The following PDSS2 variants were observed in gnomAD, a reference collection of about 807,000 sequenced individuals.
PDSS2 encodes the protein decaprenyl diphosphate synthase subunit 2.
In PDSS2, 31 loss-of-function variants were observed where a neutral mutation model predicts 44.5. The observed-to-expected ratio is 0.70, with a 90% CI of 0.52 to 0.94. PDSS2 has a LOEUF of 0.94. Among genes scored for constraint, PDSS2 ranks in the 40% least tolerant of loss-of-function variants. The pLI is 0.00. For missense variants in PDSS2, 452 were observed against 482.2 expected, an observed-to-expected ratio of 0.94 and a Z score of 0.59; for synonymous variants, 157 against 180.3, an observed-to-expected ratio of 0.87 and a Z score of 1.03.
intron 1 of PDSS2, among the ~76,000 whole-genome samples, chr6:107,353,153 T>A (rs1164131678): frequency 6.6e-6 from 1 of 152,100 alleles, no homozygotes; most frequent in Non-Finnish European, 1.5e-5. Context: ...CAAGAATAAC[T>A]TTTAAGACAC....
intron 2 of PDSS2, among the ~76,000 whole-genome samples, chr6:107,326,298 C>T (rs1165187532): frequency 1.1e-4 from 16 of 151,124 alleles, no homozygotes; most frequent in African/African-American, 4.9e-5. Context: ...TTAGTAGAGA[C>T]GGGATTTTGC....
intron 1 of PDSS2, among the ~76,000 whole-genome samples, chr6:107,447,635 G>T (rs1246951894): frequency 6.6e-6 from 1 of 152,214 alleles, no homozygotes; most frequent in Non-Finnish European, 1.5e-5. Flanking sequence ...CCCTCTCCTG[G>T]CTGCTTTCAC....
chr6:107,273,341 C>T (rs992575806), intron 3 of PDSS2, among the ~76,000 whole-genome samples: 5 of 151,662 alleles, frequency 3.3e-5, no homozygotes, highest in African/African-American at 9.7e-5. Flanking sequence ...AAAAAAAACA[C>T]TAAAAATGTT....
At chr6:107,333,796 A>G (rs1174580443) in intron 2 of PDSS2, among the ~76,000 whole-genome samples, 2 of 152,122 alleles carry the variant, frequency 1.3e-5, no homozygotes, top group African/African-American at 4.8e-5. Flanking sequence ...TTGGCCTCCT[A>G]AAGTGCTAGA....
At chr6:107,264,738 C>A (rs1775356757) in intron 3 of PDSS2, among the ~76,000 whole-genome samples, 1 of 152,140 alleles carries the variant, frequency 6.6e-6, no homozygotes, top group Non-Finnish European at 1.5e-5. Flanking sequence ...TAGTACTTCT[C>A]CACTTCATGA....
chr6:107,437,986 T>C (rs1379852297), intron 1 of PDSS2, among the ~76,000 whole-genome samples: 1 of 152,118 alleles, frequency 6.6e-6, no homozygotes, highest in Admixed American at 6.6e-5. Context: ...ATGGACTCCT[T>C]GAACTCAGAA....
Position 107,400,065 on chromosome 6 carries a change from G to A in PDSS2, c.296+58925C>T, listed in dbSNP as rs117509337. 3.5e-3 allele frequency among the ~76,000 whole-genome samples: 525 copies of A among 152,116 alleles called. 1 individual carries two copies. The highest frequency in any genetic ancestry group is 5.7e-3 in the Non-Finnish European group (385 of 68,016). Reference sequence around the variant, plus strand: ...TGATGTGAATTCCCAGTATGTGAGTGGGGGGAGTGTCTCCACAATACACAT... The same window carrying A: ...TGATGTGAATTCCCAGTATGTGAGTAGGGGGAGTGTCTCCACAATACACAT... On this transcript the variant is annotated intron_variant, in intron 1 of 7. Transcript: ENST00000369037.
chr6:107,456,497 T>C (rs147932176), intron 1 of PDSS2, among the ~76,000 whole-genome samples: 1 of 152,284 alleles, frequency 6.6e-6, no homozygotes, highest in East Asian at 1.9e-4. Flanking sequence ...TATTTGTACA[T>C]TGCAAAGAAA....
chr6:107,360,676 T>A (rs1432046487), intron 1 of PDSS2, among the ~76,000 whole-genome samples: 3 of 152,232 alleles, frequency 2.0e-5, no homozygotes, highest in Non-Finnish European at 4.4e-5. Flanking sequence ...AGTTACCAAG[T>A]GGTCTCAATT....
intron 4 of PDSS2, among the ~76,000 whole-genome samples, chr6:107,215,555 T>C (rs1421044528): frequency 6.6e-6 from 1 of 152,050 alleles, no homozygotes; most frequent in African/African-American, 2.4e-5. Context: ...ATTTACAATG[T>C]AATAGAAGAG....
intron 1 of PDSS2, among the ~76,000 whole-genome samples, chr6:107,334,839 T>C (rs1436996428): frequency 1.3e-5 from 2 of 151,914 alleles, no homozygotes; most frequent in African/African-American, 4.8e-5. Flanking sequence ...TGACCCACCA[T>C]GCCCAGCCCA....
intron 1 of PDSS2, among the ~76,000 whole-genome samples, chr6:107,365,512 C>T (rs1778934788): frequency 6.6e-6 from 1 of 152,036 alleles, no homozygotes; most frequent in Admixed American, 6.6e-5. Flanking sequence ...TTACATCAAA[C>T]CATATCAATA....
chr6:107,269,809 G>A (rs916013750), intron 3 of PDSS2, among the ~76,000 whole-genome samples: 1 of 152,104 alleles, frequency 6.6e-6, no homozygotes, highest in African/African-American at 2.4e-5. Flanking sequence ...TGGAATCACA[G>A]GCATGCACCA....
At chr6:107,396,394 A>T (rs182812892) in intron 1 of PDSS2, among the ~76,000 whole-genome samples, 152 of 152,294 alleles carry the variant, frequency 1.0e-3, no homozygotes, top group African/African-American at 3.5e-3. Flanking sequence ...AAGCCAAGAC[A>T]ATCATAGAGT....
chr6:107,209,866 C>T (rs1277958078), intron 6 of PDSS2, among the ~76,000 whole-genome samples: 1 of 152,096 alleles, frequency 6.6e-6, no homozygotes, highest in Non-Finnish European at 1.5e-5. Context: ...AAGTTTTGCA[C>T]TAGAGTTTCT....
intron 7 of PDSS2, among the ~76,000 whole-genome samples, chr6:107,170,794 G>T (rs111397829): frequency 6.6e-6 from 1 of 151,994 alleles, no homozygotes; most frequent in Admixed American, 6.6e-5. Context: ...TGCACTTTTA[G>T]TAGAGATAAG....
chr6:107,432,018 T>C (rs2114758860), intron 1 of PDSS2, among the ~76,000 whole-genome samples: 1 of 152,358 alleles, frequency 6.6e-6, no homozygotes, highest in Non-Finnish European at 1.5e-5. Context: ...GCAGTGCTCT[T>C]TATAGAATAT....
rs1243381124 is a variant in PDSS2 at position 107,386,802 on chromosome 6, GA to G, written c.297-52471del. On this transcript the variant is annotated intron_variant, in intron 1 of 7. Coordinates refer to ENST00000369037, the MANE Select transcript of PDSS2 (RefSeq NM_020381.4). ...TTTGTTCTTTCATCAGAGTTTGGAGGAAAATATAAAGATCACCTAGCAATCA... is the reference window on the plus strand; with the variant it reads ...TTTGTTCTTTCATCAGAGTTTGGAGGAAATATAAAGATCACCTAGCAATCA... Among the ~76,000 whole-genome samples the G allele has an allele frequency of 3.3e-5, 5 of 152,120 alleles. No individual in the cohort carries two copies. The East Asian group carries it at 9.6e-4, about 29-fold the overall frequency.
intron 6 of PDSS2, among the ~76,000 whole-genome samples, chr6:107,204,549 T>A (rs952120076): frequency 5.9e-5 from 9 of 152,362 alleles, no homozygotes; most frequent in Admixed American, 1.3e-4. Flanking sequence ...CACTTTTTTT[T>A]AATTTGACAA....
Sources: allele counts gnomAD v4.1 joint callset (sites outside exome capture counted in the v4.1 genomes callset), GRCh38; gene constraint gnomAD v4.1.1; transcripts MANE v1.5; gene names NCBI Gene and HGNC (gene_info 2026-07-23, HGNC 2026-07-21).